NANOS3: variants seen among roughly 807,000 people sequenced by gnomAD.
The protein encoded by NANOS3 is nanos C2HC-type zinc finger 3, also known as nanos homolog 3.
Under a neutral mutation model 13.8 loss-of-function variants are expected in NANOS3, and 11 were observed. The ratio of observed to expected loss-of-function variants is 0.80; its 90% CI spans 0.50 to 1.32. NANOS3 has a LOEUF of 1.32. Among genes scored for constraint, NANOS3 ranks in the 40% most tolerant of loss-of-function variants. NANOS3 has a pLI of 0.00. For synonymous variants in NANOS3, 119 were observed against 115.4 expected, an observed-to-expected ratio of 1.03 and a Z score of -0.20; for missense variants, 221 against 263.8, an observed-to-expected ratio of 0.84 and a Z score of 1.12.
Position 13,877,135 on chromosome 19 carries a change from G to T in NANOS3, c.-114G>T, listed in dbSNP as rs747118994. ...GAGGGTCGGCCAGCACAGACTCCCA[G>T]GCTCCAGAGAGGGGAAGGAAGGGGC... is the stretch of plus-strand genomic sequence containing the variant. On this transcript the variant is annotated 5_prime_UTR_variant, in exon 1 of 2. The change creates a new upstream start codon in the 5' untranslated region. Transcript: ENST00000339133. 17 of 908,152 alleles carry T rather than the reference G, an allele frequency of 1.9e-5. No homozygotes were observed. The highest frequency in any genetic ancestry group is 2.9e-5 in the Non-Finnish European group (17 of 587,848). 56.3% of individuals were successfully genotyped at this position (908,152 alleles called of 1,614,324 possible). A position where few individuals can be genotyped will look rare whatever the true frequency, so the allele number is the denominator to read the frequency against.
At position 13,877,358 on chromosome 19, in the gene NANOS3, A is replaced by T; in HGVS notation, c.110A>T (p.Glu37Val). The T allele has an allele frequency of 6.2e-7, 1 of 1,600,246 alleles. No individual in the cohort carries two copies. Among genetic ancestry groups the T allele is most frequent in the East Asian group, 2.2e-5 (1 of 44,872 alleles). ...AGGCTGAGCCCCCAGCCAGAGCCAG[A>T]GCCAATGCTGGAGCCGGTGTCAGCC... is the stretch of plus-strand genomic sequence containing the variant. ...ETRLSPQPEP[E>V]PMLEPVSALE... The change falls in exon 1 of 2, where the codon GAG (glutamate) becomes GTG (valine). Residue 37 changes from glutamate (E) to valine (V), a missense_variant. By Grantham distance (121) the Glu-to-Val change is moderately radical (BLOSUM62 -2). Around this residue, in one of 3 missense-constraint regions of NANOS3, gnomAD observed 112 missense variants for 116.3 expected, o/e 0.96. Coordinates refer to ENST00000339133, the MANE Select transcript of NANOS3 (RefSeq NM_001098622.3).
At chr19:13,862,168 G>A (rs1599294898), upstream of NANOS3, 1 of 152,446 alleles carries the variant, frequency 6.6e-6, no homozygotes, top group African/African-American at 2.4e-5. Flanking sequence ...GCAGCAAGAA[G>A]GAGAGTTAGA....
upstream of NANOS3, among the ~76,000 whole-genome samples, chr19:13,876,240 G>A (rs577053314): frequency 6.6e-6 from 1 of 152,282 alleles, no homozygotes; most frequent in African/African-American, 2.4e-5. Context: ...CTGGGTTCAA[G>A]CAATTCTTCT....
chr19:13,875,505 T>C (rs771270736), upstream of NANOS3, among the ~76,000 whole-genome samples: 3 of 151,958 alleles, frequency 2.0e-5, no homozygotes, highest in African/African-American at 4.8e-5. Flanking sequence ...CTTTCTGAAA[T>C]GTGGGTGGTA....
At chr19:13,869,774 GCA>G (rs745893055) in intron 1 of NANOS3, among the ~76,000 whole-genome samples, 217 of 144,108 alleles carry the variant, frequency 1.5e-3, no homozygotes, top group African/African-American at 3.8e-3. Context: ...ACACACGCAC[GCA>G]CACACACACA....
At position 13,877,721 on chromosome 19, in the gene NANOS3, A is replaced by AGACACAG; in HGVS notation, c.482_488dup (p.Arg166ProfsTer18). ...AAGCTGGTCCGGCCTGACAAGGCGA[A>AGACACAG]GACACAGGACACAGGCCACCGCCGA... On this transcript the variant is annotated frameshift_variant, in exon 1 of 2. Transcript: ENST00000339133. LOFTEE classifies it low-confidence loss of function (END_TRUNC). 1.9e-6 allele frequency: 3 copies of AGACACAG among 1,600,814 alleles called. No individual in the cohort carries two copies. The highest frequency in any genetic ancestry group is 1.7e-6 in the Non-Finnish European group (2 of 1,175,068).
chr19:13,876,499 C>T (rs904544489), upstream of NANOS3, among the ~76,000 whole-genome samples: 3 of 152,168 alleles, frequency 2.0e-5, no homozygotes, highest in African/African-American at 7.2e-5. Flanking sequence ...GGGCAGGTGG[C>T]TTCACACCTC....
At chr19:13,866,444 A>ACC (rs1976242701) in intron 1 of NANOS3, among the ~76,000 whole-genome samples, 1 of 151,662 alleles carries the variant, frequency 6.6e-6, no homozygotes, top group Admixed American at 6.6e-5. Context: ...CCTGATGGAG[A>ACC]CCCCCAAAAT....
chr19:13,877,801 G>T (rs1045797396), intron 1 of NANOS3, 36 bp downstream of exon 1: 13 of 1,521,244 alleles, frequency 8.5e-6, no homozygotes, highest in Non-Finnish European at 8.8e-7. Context: ...ACCTGTCCGA[G>T]GGTAGTGGCT....
At chr19:13,865,241 C>T (rs1976214487), upstream of NANOS3, among the ~76,000 whole-genome samples, 1 of 142,316 alleles carries the variant, frequency 7.0e-6, no homozygotes, top group African/African-American at 2.6e-5. Context: ...GGCGGGCGGG[C>T]GGCGGCGGCC....
In NANOS3 at chr19:13,877,367, T is replaced by TGGAGCCGGTGTCAGCGCC. The variant is rs371590850; in HGVS notation, c.134_135insGCCGGAGCCGGTGTCAGC (p.Ala45_Leu46insProGluProValSerAla). 6.6e-3 allele frequency: 10,576 copies of TGGAGCCGGTGTCAGCGCC among 1,612,436 alleles called. 307 individuals are homozygous for TGGAGCCGGTGTCAGCGCC. In the African/African-American group the frequency reaches 0.082, roughly 13 times the overall value. On this transcript the variant is annotated inframe_insertion, in exon 1 of 2. Coordinates refer to ENST00000339133, the MANE Select transcript of NANOS3 (RefSeq NM_001098622.3). ...CCCCAGCCAGAGCCAGAGCCAATGC[T>TGGAGCCGGTGTCAGCGCC]GGAGCCGGTGTCAGCCCTGGAGCCG...
At position 13,869,801 on chromosome 19, in the gene NANOS3, T is replaced by TA. The variant is rs946275777; in HGVS notation, n.21+4365dup. ...ACACACACACACACACGCACACACA[T>TA]ACAGTTACATACAACACACAGACAC... On this transcript the variant is annotated intron_variant and non_coding_transcript_variant, in intron 1 of 2. Transcript: ENST00000591161. Among the ~76,000 whole-genome samples, 7 of 146,608 alleles carry TA rather than the reference T, an allele frequency of 4.8e-5. 1 individual carries two copies. Among genetic ancestry groups the TA allele is most frequent in the Admixed American group, 2.7e-4 (4 of 14,742 alleles).
chr19:13,878,457 T>TC lies in NANOS3; in HGVS notation c.517+693dup, dbSNP rs1968563415. On this transcript the variant is annotated intron_variant, in intron 1 of 1. Transcript: ENST00000339133. ...TTTCACCATGTTGGCCAGGCTGGTC[T>TC]CGAACTCCCAACCTCGTGATCCACC... Among the ~76,000 whole-genome samples the TC allele has an allele frequency of 5.3e-5, 8 of 152,018 alleles. 1 individual carries two copies. Among genetic ancestry groups the TC allele is most frequent in the Admixed American group, 5.2e-4 (8 of 15,244 alleles).
upstream of NANOS3, among the ~76,000 whole-genome samples, chr19:13,876,014 C>T (rs919862238): frequency 2.6e-5 from 4 of 152,270 alleles, no homozygotes; most frequent in Admixed American, 2.0e-4. Context: ...CTTGCTATCC[C>T]CCACCTCCCA....
Position 13,877,159 on chromosome 19 carries a change from G to A in NANOS3, c.-90G>A. The A allele has an allele frequency of 9.1e-7, 1 of 1,095,978 alleles. No homozygotes were observed. The highest frequency in any genetic ancestry group is 1.3e-6 in the Non-Finnish European group (1 of 749,782). 67.9% of individuals were successfully genotyped at this position (1,095,978 alleles called of 1,614,324 possible). The stretch of plus-strand genomic sequence containing the variant: ...AGGCTCCAGAGAGGGGAAGGAAGGG[G>A]CAGCAGAGAGGGGTCAGAAGGAGGG... On this transcript the variant is annotated 5_prime_UTR_variant, in exon 1 of 2. Transcript: ENST00000339133.
chr19:13,880,394 TGA>T (rs375012031), intron 1 of NANOS3, 46 bp from the exon 2 acceptor site: 12 of 1,580,386 alleles, frequency 7.6e-6, no homozygotes, highest in African/African-American at 5.4e-5. Flanking sequence ...TGGGGAGCGT[TGA>T]GTCATCGCCT....
chr19:13,862,943 G>T (rs556467493), upstream of NANOS3, among the ~76,000 whole-genome samples: 7 of 152,334 alleles, frequency 4.6e-5, no homozygotes, highest in South Asian at 6.2e-4. Flanking sequence ...TTGGCCTGCT[G>T]GGAAGAATCT....
upstream of NANOS3, among the ~76,000 whole-genome samples, chr19:13,875,231 G>C (rs1380995609): frequency 1.3e-5 from 2 of 151,396 alleles, no homozygotes; most frequent in Non-Finnish European, 2.9e-5. Flanking sequence ...CTGTTGCCTA[G>C]GCTGGAGTGC....
intron 1 of NANOS3, among the ~76,000 whole-genome samples, chr19:13,871,505 C>T (rs1599300628): frequency 6.6e-6 from 1 of 152,232 alleles, no homozygotes; most frequent in East Asian, 1.9e-4. Flanking sequence ...CCAGACCCCT[C>T]TTCCACTGTG....
Sources: allele counts gnomAD v4.1 joint callset (sites outside exome capture counted in the v4.1 genomes callset), GRCh38; gene constraint gnomAD v4.1.1; regional missense constraint gnomAD v4.1.1; transcripts MANE v1.5; gene names NCBI Gene and HGNC (gene_info 2026-07-23, HGNC 2026-07-21).